The following LRP1B variants were observed in gnomAD, a reference collection of about 807,000 sequenced individuals.
The protein encoded by LRP1B is low-density lipoprotein receptor-related protein 1B.
LRP1B carries 217 observed loss-of-function variants against 556.6 expected under a neutral mutation model. The observed-to-expected ratio is 0.39, with a 90% CI of 0.35 to 0.44. The LOEUF is 0.44. LRP1B is among the 20% of genes least tolerant of loss of function. LRP1B has a pLI of 1.00. For synonymous variants in LRP1B, 2,047 were observed against 1,865.8 expected (o/e 1.10, Z -2.50); for missense variants, 5,053 against 5,620.8 (o/e 0.90, Z 3.23).
chr2:141,108,443 G>GTTCAAGCGATTCTCCTGCTCCCAA, intron 7 of LRP1B, among the ~76,000 whole-genome samples: 2 of 146,598 alleles, frequency 1.4e-5, no homozygotes, highest in Non-Finnish European at 3.0e-5. Context: ...CCTCCTCCCA[G>GTTCAAGCGATTCTCCTGCTCCCAA]GTTCAAGCGA....
At chr2:140,595,343 G>C (rs1275243672) in intron 43 of LRP1B, among the ~76,000 whole-genome samples, 1 of 151,592 alleles carries the variant, frequency 6.6e-6, no homozygotes, top group Admixed American at 6.6e-5. Context: ...GGATTTCAAG[G>C]CAAATCTAGG....
intron 3 of LRP1B, among the ~76,000 whole-genome samples, chr2:141,447,258 C>T (rs1573955588): frequency 6.7e-6 from 1 of 148,894 alleles, no homozygotes; most frequent in African/African-American, 2.4e-5. Flanking sequence ...TTTTTCAGCT[C>T]CATCAGTTCA....
rs755284467 is a variant in LRP1B at position 140,851,826 on chromosome 2, T to G, written c.4580-43A>C. On this transcript the variant is annotated intron_variant, in intron 27 of 90. Transcript: ENST00000389484. ...AATATGAACAGTGAAGAAGGAAGAATGTATTAGGGAAGCTCTGAGGTTGAC... is the reference window on the plus strand; with the variant it reads ...AATATGAACAGTGAAGAAGGAAGAAGGTATTAGGGAAGCTCTGAGGTTGAC... 6 of 1,554,698 alleles carry G rather than the reference T, an allele frequency of 3.9e-6. 1 individual carries two copies. In the South Asian group the frequency reaches 7.4e-5, roughly 19 times the overall value.
chr2:140,584,995 C>T (rs1020592372), intron 43 of LRP1B, among the ~76,000 whole-genome samples: 2 of 151,736 alleles, frequency 1.3e-5, no homozygotes, highest in Admixed American at 6.6e-5. Flanking sequence ...CTGAACATAG[C>T]AATGCATCAG....
At chr2:140,661,104 A>G (rs1250525504) in intron 41 of LRP1B, among the ~76,000 whole-genome samples, 2 of 152,178 alleles carry the variant, frequency 1.3e-5, no homozygotes, top group Non-Finnish European at 2.9e-5. Context: ...ATATTAAATT[A>G]TGTAGCAATC....
intron 35 of LRP1B, among the ~76,000 whole-genome samples, chr2:140,765,436 T>C (rs1172721485): frequency 6.6e-6 from 1 of 152,122 alleles, no homozygotes; most frequent in Non-Finnish European, 1.5e-5. Context: ...AGTGGAGCAA[T>C]GGGCTTTGCT....
chr2:140,391,552 G>C (rs1684020916), intron 66 of LRP1B, among the ~76,000 whole-genome samples: 1 of 152,042 alleles, frequency 6.6e-6, no homozygotes, highest in African/African-American at 2.4e-5. Context: ...TATTAGAATT[G>C]CAAGGAGTTT....
chr2:140,820,975 G>A (rs1017479452), intron 31 of LRP1B, among the ~76,000 whole-genome samples: 1 of 148,664 alleles, frequency 6.7e-6, no homozygotes, highest in African/African-American at 2.5e-5. Flanking sequence ...TTATCAATTT[G>A]GTTACAATTC....
chr2:140,904,556 T>C (rs1694192993), intron 22 of LRP1B, among the ~76,000 whole-genome samples: 1 of 152,160 alleles, frequency 6.6e-6, no homozygotes, highest in Non-Finnish European at 1.5e-5. Flanking sequence ...AAAAGCTTTA[T>C]ATGGGTCAAC....
Position 141,105,101 on chromosome 2 carries a change from C to T in LRP1B, c.1014-42828G>A, listed in dbSNP as rs574269517. ...TCCAATAAGTACTACATAATAATTG[C>T]TAACCATCAAAGTCTGCATTTATCA... On this transcript the variant is annotated intron_variant, in intron 7 of 90. Transcript: ENST00000389484. Among the ~76,000 whole-genome samples, 142 of 152,102 alleles carry T rather than the reference C, an allele frequency of 9.3e-4. 1 individual carries two copies. The highest frequency in any genetic ancestry group is 3.0e-3 in the African/African-American group (126 of 41,540).
At chr2:142,041,191 A>G (rs1473450493) in intron 1 of LRP1B, among the ~76,000 whole-genome samples, 1 of 151,296 alleles carries the variant, frequency 6.6e-6, no homozygotes, top group East Asian at 1.9e-4. Flanking sequence ...TAAGGCTCCA[A>G]GTTTGAGAAG....
intron 82 of LRP1B, among the ~76,000 whole-genome samples, 168 bp downstream of exon 82, chr2:140,321,795 T>G (rs1558799341): frequency 6.6e-6 from 1 of 152,112 alleles, no homozygotes; most frequent in Non-Finnish European, 1.5e-5. Context: ...ATGAATTGTT[T>G]GAAAGTCTTC....
intron 66 of LRP1B, among the ~76,000 whole-genome samples, chr2:140,397,124 A>G (rs895203436): frequency 1.3e-5 from 2 of 152,068 alleles, no homozygotes; most frequent in African/African-American, 4.8e-5. Context: ...GCTTGATTTT[A>G]TTATCTGTTT....
chr2:140,526,053 T>C (rs2104968647), intron 48 of LRP1B, 60 bp from the exon 49 acceptor site: 1 of 1,555,114 alleles, frequency 6.4e-7, no homozygotes, highest in Non-Finnish European at 8.8e-7. Context: ...ATGAGCCTTC[T>C]ATGTAGGTCA....
Position 140,322,037 on chromosome 2 carries a change from G to T in LRP1B, c.12566C>A (p.Pro4189His). The change falls in exon 82 of 91, where the codon CCT (proline) becomes CAT (histidine). Residue 4189 changes from proline (P) to histidine (H), a missense_variant. Around this residue, in one of 5 missense-constraint regions of LRP1B, gnomAD observed 551 missense variants for 592.0 expected, o/e 0.93. Coordinates refer to ENST00000389484, the MANE Select transcript of LRP1B (RefSeq NM_018557.3). ...LACEFLCLLN[P>H]SGATCVCPEG... The stretch of plus-strand genomic sequence containing the variant: ...TGGACACACACAAGTGGCCCCAGAA[G>T]GATTTAGCAAGCAAAGAAATTCGCA... The T allele has an allele frequency of 6.2e-7, 1 of 1,612,946 alleles. No homozygotes were observed. Among genetic ancestry groups the T allele is most frequent in the Non-Finnish European group, 8.5e-7 (1 of 1,179,434 alleles).
intron 83 of LRP1B, among the ~76,000 whole-genome samples, chr2:140,299,583 A>AT (rs1447015214): frequency 6.6e-6 from 1 of 152,092 alleles, no homozygotes; most frequent in East Asian, 1.9e-4. Context: ...TGGCAATGCA[A>AT]TTTTCTAGTT....
chr2:141,549,093 T>C (rs139515256), intron 2 of LRP1B, among the ~76,000 whole-genome samples: 265 of 152,200 alleles, frequency 1.7e-3, no homozygotes, highest in African/African-American at 6.1e-3. Flanking sequence ...TATATAAAAT[T>C]AGCTGTTTCA....
intron 3 of LRP1B, among the ~76,000 whole-genome samples, chr2:141,341,705 C>A (rs1006875842): frequency 1.3e-5 from 2 of 152,182 alleles, no homozygotes; most frequent in Admixed American, 1.3e-4. Context: ...TGAGCTTCTT[C>A]CAGGCCTTGC....
At chr2:141,197,789 C>T (rs1681818186) in intron 6 of LRP1B, among the ~76,000 whole-genome samples, 1 of 151,964 alleles carries the variant, frequency 6.6e-6, no homozygotes, top group South Asian at 2.1e-4. Context: ...TTTCTTTAGT[C>T]AATATTAAAT....
Sources: allele counts gnomAD v4.1 joint callset (sites outside exome capture counted in the v4.1 genomes callset), GRCh38; gene constraint gnomAD v4.1.1; regional missense constraint gnomAD v4.1.1; transcripts MANE v1.5; gene names NCBI Gene and HGNC (gene_info 2026-07-23, HGNC 2026-07-21).